Variants in PSD3 observed in about 807,000 individuals in gnomAD.
PSD3 encodes PH and SEC7 domain-containing protein 3.
Under a neutral mutation model 105.5 loss-of-function variants are expected in PSD3, and 49 were observed. The observed-to-expected ratio is 0.46, with a 90% confidence interval of 0.37 to 0.59. The LOEUF (loss-of-function observed/expected upper bound fraction) is 0.59. Among genes scored for constraint, PSD3 ranks in the 20% least tolerant of loss-of-function variants. The probability of loss-of-function intolerance (pLI) is 0.00; values close to 1 mark genes in which losing one functional copy is unlikely to be tolerated. For missense variants in PSD3, 1,561 were observed against 1,263.8 expected, an observed-to-expected ratio of 1.24 and a Z score of -3.57; for synonymous variants, 557 against 457.8, an observed-to-expected ratio of 1.22 and a Z score of -2.77.
intron 1 of PSD3, among the ~76,000 whole-genome samples, chr8:19,079,226 CTTTA>C (rs1829563622): frequency 6.6e-6 from 1 of 152,140 alleles, no homozygotes; most frequent in African/African-American, 2.4e-5. Context: ...CTATCTCAGG[CTTTA>C]TTTATTCAAG....
At chr8:18,982,813 T>A (rs1825308494) in intron 1 of PSD3, among the ~76,000 whole-genome samples, 1 of 152,198 alleles carries the variant, frequency 6.6e-6, no homozygotes. Flanking sequence ...AGAGCACAAG[T>A]AGAGTAGATC....
Position 18,556,276 on chromosome 8 carries a change from G to A in PSD3, c.2861C>T (p.Pro954Leu), listed in dbSNP as rs1298051875. 6.2e-7 allele frequency: 1 copy of A among 1,614,046 alleles called. No individual in the cohort carries two copies. ...GTCCTTGGCTTTGACCTTCTTGTCG[G>A]GGGGATATGAGCGGTGCTCGGCCAG... ...TELAEHRSYP[P>L]DKKVKAKDVD... is the part of the protein sequence containing the mutation. The change falls in exon 15 of 16, where the codon CCC becomes CTC. Residue 954 changes from proline to leucine, a missense_variant. By Grantham distance (98) the Pro-to-Leu change is moderately conservative. Coordinates refer to ENST00000327040, the MANE Select transcript of PSD3 (RefSeq NM_015310.4).
intron 2 of PSD3, among the ~76,000 whole-genome samples, chr8:18,873,436 C>G (rs6984859): frequency 0.15 from 22,425 of 151,718 alleles, 1,860 homozygotes; most frequent in East Asian, 0.3. Flanking sequence ...GTTTATATAT[C>G]TAGATATATG....
At chr8:18,581,363 A>T (rs370880899) in intron 12 of PSD3, among the ~76,000 whole-genome samples, 1 of 152,138 alleles carries the variant, frequency 6.6e-6, no homozygotes, top group East Asian at 1.9e-4. Context: ...CACATTTTTT[A>T]GGTACTCTTG....
chr8:18,627,902 C>A lies in PSD3; in HGVS notation c.2410+4711G>T, dbSNP rs28501670. On this transcript the variant is annotated intron_variant, in intron 11 of 15. Coordinates refer to ENST00000327040, the MANE Select transcript of PSD3 (RefSeq NM_015310.4). The stretch of plus-strand genomic sequence containing the variant: ...AAGGAAGGTTATCAAAGAGAAGAAC[C>A]TTAAAAAAGCAATTATAAACAGAAT... 7.0e-3 allele frequency among the ~76,000 whole-genome samples: 1,056 copies of A among 151,456 alleles called. 16 individuals are homozygous for A. The highest frequency in any genetic ancestry group is 0.025 in the African/African-American group (1,015 of 41,302).
At chr8:18,681,330 G>C (rs1025712321) in intron 9 of PSD3, among the ~76,000 whole-genome samples, 9 of 151,698 alleles carry the variant, frequency 5.9e-5, no homozygotes, top group African/African-American at 2.2e-4. Context: ...ATACCAGCTG[G>C]GTGCAGTAGC....
chr8:18,633,754 T>A (rs188840290), intron 10 of PSD3, among the ~76,000 whole-genome samples: 151 of 152,224 alleles, frequency 9.9e-4, no homozygotes, highest in African/African-American at 3.5e-3. Context: ...TGGAATGATT[T>A]GTTTTCCTTT....
At position 18,592,924 on chromosome 8, in the gene PSD3, A is replaced by G. The variant is rs189651714; in HGVS notation, c.2481+7440T>C. On this transcript the variant is annotated intron_variant, in intron 12 of 15. Coordinates refer to ENST00000327040, the MANE Select transcript of PSD3 (RefSeq NM_015310.4). ...CTGGGAAAACTGGCTAGCCATATGT[A>G]GAAAGCTGAAACTGGATCCCTTCCT... 1.0e-3 allele frequency among the ~76,000 whole-genome samples: 156 copies of G among 152,334 alleles called. 1 individual carries two copies. The highest frequency in any genetic ancestry group is 3.5e-3 in the African/African-American group (147 of 41,586).
intron 14 of PSD3, among the ~76,000 whole-genome samples, chr8:18,565,792 T>C (rs965307576): frequency 1.3e-5 from 2 of 152,238 alleles, no homozygotes; most frequent in South Asian, 4.2e-4. Flanking sequence ...AAGCAGTGGT[T>C]CTCAATAGGA....
In PSD3 at chr8:18,743,553, A is replaced by T. The variant is rs12548270; in HGVS notation, c.2172+21896T>A. 5.9e-5 allele frequency among the ~76,000 whole-genome samples: 9 copies of T among 152,114 alleles called. No homozygotes were observed. The South Asian group carries it at 1.9e-3, about 32-fold the overall frequency. ...GGGGGAAAAGTCTCTTCCCACATTT[A>T]CTGATCTCTAAGAACCTTTCATTCA... On this transcript the variant is annotated intron_variant, in intron 9 of 15. Coordinates refer to ENST00000327040, the MANE Select transcript of PSD3 (RefSeq NM_015310.4).
chr8:18,709,972 A>C (rs2129421261), intron 9 of PSD3, among the ~76,000 whole-genome samples: 1 of 152,370 alleles, frequency 6.6e-6, no homozygotes, highest in South Asian at 2.1e-4. Context: ...CAGCAAGGGC[A>C]CAGAACTGGA....
chr8:18,666,484 T>G (rs760518492), intron 9 of PSD3, among the ~76,000 whole-genome samples: 8 of 152,220 alleles, frequency 5.3e-5, no homozygotes, highest in Non-Finnish European at 8.8e-5. Flanking sequence ...TTAAAGAATT[T>G]TTCCCCTAGT....
At chr8:18,855,206 G>A (rs1353918186) in intron 4 of PSD3, among the ~76,000 whole-genome samples, 4 of 152,184 alleles carry the variant, frequency 2.6e-5, no homozygotes, top group Non-Finnish European at 5.9e-5. Flanking sequence ...AACAGAAGTG[G>A]ATAAAAATTA....
chr8:18,613,664 G>C (rs1281789848), intron 11 of PSD3, among the ~76,000 whole-genome samples: 1 of 152,124 alleles, frequency 6.6e-6, no homozygotes, highest in Non-Finnish European at 1.5e-5. Context: ...CTTCACTTCA[G>C]TTAGGTCTCT....
chr8:18,822,167 G>A (rs1184020152), intron 4 of PSD3, among the ~76,000 whole-genome samples: 1 of 152,052 alleles, frequency 6.6e-6, no homozygotes, highest in Non-Finnish European at 1.5e-5. Context: ...TCCAACTTTT[G>A]CTAAGCTATT....
At chr8:19,079,064 A>T (rs910632981) in intron 1 of PSD3, among the ~76,000 whole-genome samples, 16 of 152,008 alleles carry the variant, frequency 1.1e-4, no homozygotes, top group Non-Finnish European at 2.2e-4. Context: ...CCAGATGCTA[A>T]ACTTCCAGGA....
intron 2 of PSD3, among the ~76,000 whole-genome samples, chr8:18,915,019 G>A (rs1364953474): frequency 6.6e-6 from 1 of 151,292 alleles, no homozygotes; most frequent in South Asian, 2.1e-4. Flanking sequence ...CAATGGAACA[G>A]AATAGGAAGC....
At chr8:18,949,078 C>G (rs187525060) in intron 1 of PSD3, among the ~76,000 whole-genome samples, 1 of 148,776 alleles carries the variant, frequency 6.7e-6, no homozygotes, top group Non-Finnish European at 1.5e-5. Flanking sequence ...AAAAATTAGC[C>G]GGGCGTGGTG....
At chr8:18,713,565 T>C (rs905664070) in intron 9 of PSD3, among the ~76,000 whole-genome samples, 2 of 151,990 alleles carry the variant, frequency 1.3e-5, no homozygotes, top group Non-Finnish European at 2.9e-5. Context: ...CCTAGGAATA[T>C]GGCAAACAAG....
Sources: gnomAD v4.1 joint callset for allele counts (sites outside exome capture counted in the v4.1 genomes callset) on GRCh38, gnomAD v4.1.1 for gene constraint, MANE v1.5 for transcripts, NCBI Gene and HGNC (gene_info 2026-07-23, HGNC 2026-07-21) for gene names.